OSBPL9: variants seen among roughly 807,000 people sequenced by gnomAD.
OSBPL9 encodes oxysterol binding protein like 9.
In OSBPL9, 40 loss-of-function variants were observed where a neutral mutation model predicts 106.6. The ratio of observed to expected loss-of-function variants is 0.38; its 90% CI spans 0.29 to 0.49. The LOEUF is 0.49. OSBPL9 is among the 20% of genes least tolerant of loss of function. The pLI is 0.97. For missense variants in OSBPL9, 609 were observed against 887.2 expected (o/e 0.69, Z 3.98); for synonymous variants, 269 against 295.4 (o/e 0.91, Z 0.92).
At chr1:51,659,034 C>G (rs1570866092) in intron 2 of OSBPL9, among the ~76,000 whole-genome samples, 1 of 151,862 alleles carries the variant, frequency 6.6e-6, no homozygotes, top group East Asian at 1.9e-4. Flanking sequence ...CATTAGTGCT[C>G]TATTTTATGA....
At chr1:51,613,740 C>CT (rs1213011994), upstream of OSBPL9, among the ~76,000 whole-genome samples, 3,742 of 142,842 alleles carry the variant, frequency 0.026, 134 homozygotes, top group African/African-American at 0.083. Context: ...TCTTTCTTTT[C>CT]TTTTTTTTTT....
At chr1:51,578,012 A>C (rs1394307316) in intron 1 of OSBPL9, among the ~76,000 whole-genome samples, 1 of 152,222 alleles carries the variant, frequency 6.6e-6, no homozygotes, top group Non-Finnish European at 1.5e-5. Context: ...TCTGTAATTA[A>C]TAGTTTGTGT....
Position 51,782,582 on chromosome 1 carries a change from T to G in OSBPL9, c.1452T>G (p.Val484=), listed in dbSNP as rs763202436. 1.2e-5 allele frequency: 19 copies of G among 1,613,960 alleles called. No individual in the cohort carries two copies. Among genetic ancestry groups the G allele is most frequent in the Non-Finnish European group, 1.6e-5 (19 of 1,179,952 alleles). ...AGGAACTAGTTTCAGAAGGACCAGTTCCCTGGGTTTCCAAAAACAGTGTAA... is the reference window on the plus strand; with the variant it reads ...AGGAACTAGTTTCAGAAGGACCAGTGCCCTGGGTTTCCAAAAACAGTGTAA... ...ENTELVSEGP[V]PWVSKNSVTF... The change falls in exon 17 of 24, where the codon GTT becomes GTG. Residue 484 remains valine, a synonymous_variant. Transcript: ENST00000428468.
At chr1:51,584,660 G>T (rs906044277) in intron 1 of OSBPL9, among the ~76,000 whole-genome samples, 4 of 152,154 alleles carry the variant, frequency 2.6e-5, no homozygotes, top group Non-Finnish European at 4.4e-5. Flanking sequence ...AGGTTGCAGT[G>T]AGCCGAGATC....
At chr1:51,654,576 T>C (rs1186028060) in intron 2 of OSBPL9, among the ~76,000 whole-genome samples, 3 of 152,160 alleles carry the variant, frequency 2.0e-5, no homozygotes, top group Non-Finnish European at 4.4e-5. Context: ...ATAGGATATA[T>C]AACATGGATA....
intron 2 of OSBPL9, among the ~76,000 whole-genome samples, chr1:51,612,057 G>A (rs1643991938): frequency 6.6e-6 from 1 of 152,128 alleles, no homozygotes; most frequent in African/African-American, 2.4e-5. Context: ...AGAAACCTTG[G>A]TATTATCTCT....
chr1:51,536,749 A>G, the OSBPL9 span, among the ~76,000 whole-genome samples: 1 of 152,096 alleles, frequency 6.6e-6, no homozygotes, highest in Non-Finnish European at 1.5e-5. Context: ...GCTTTGTCTC[A>G]TGTTTTCTCA....
chr1:51,761,484 T>G (rs1294364554), intron 10 of OSBPL9, among the ~76,000 whole-genome samples: 1 of 152,236 alleles, frequency 6.6e-6, no homozygotes, highest in Non-Finnish European at 1.5e-5. Context: ...TTTTTACTTC[T>G]TAAGTGAATT....
intron 3 of OSBPL9, among the ~76,000 whole-genome samples, chr1:51,704,718 C>G (rs1163838877): frequency 6.6e-6 from 1 of 152,152 alleles, no homozygotes; most frequent in African/African-American, 2.4e-5. Flanking sequence ...TCTGAGGTGC[C>G]TCGTCACATT....
At chr1:51,600,392 G>T (rs1645320867) in intron 2 of OSBPL9, among the ~76,000 whole-genome samples, 1 of 152,064 alleles carries the variant, frequency 6.6e-6, no homozygotes, top group East Asian at 1.9e-4. Flanking sequence ...ATTTTTGTGG[G>T]CTCTAGGCAC....
intron 3 of OSBPL9, among the ~76,000 whole-genome samples, chr1:51,675,371 T>TAA (rs1174875637): frequency 6.8e-4 from 102 of 149,498 alleles, no homozygotes; most frequent in African/African-American, 2.4e-3. Flanking sequence ...ATTAATTAAT[T>TAA]TATTTATTTA....
At chr1:51,527,943 T>A in the OSBPL9 span, among the ~76,000 whole-genome samples, 1 of 131,374 alleles carries the variant, frequency 7.6e-6, no homozygotes, top group African/African-American at 2.9e-5. Flanking sequence ...CAAAACCCCA[T>A]CTCTACTAAA....
At chr1:51,682,059 A>G (rs895534058) in intron 3 of OSBPL9, among the ~76,000 whole-genome samples, 1 of 152,004 alleles carries the variant, frequency 6.6e-6, no homozygotes, top group Non-Finnish European at 1.5e-5. Flanking sequence ...AAAATTAGCC[A>G]GGCATGGTGG....
At chr1:51,672,747 A>C (rs1268980471) in intron 3 of OSBPL9, among the ~76,000 whole-genome samples, 2 of 152,258 alleles carry the variant, frequency 1.3e-5, no homozygotes. Context: ...AACATATGAC[A>C]GAAAGACAAG....
intron 1 of OSBPL9, among the ~76,000 whole-genome samples, chr1:51,592,343 C>T (rs1040211250): frequency 2.9e-4 from 44 of 152,006 alleles, no homozygotes; most frequent in African/African-American, 9.4e-4. Context: ...TCTCGATCTC[C>T]GGACCTCGTG....
chr1:51,770,816 T>C (rs1673702176), intron 12 of OSBPL9, among the ~76,000 whole-genome samples: 1 of 152,190 alleles, frequency 6.6e-6, no homozygotes, highest in Non-Finnish European at 1.5e-5. Context: ...AATATTCTAG[T>C]GTTCTAATAC....
At chr1:51,763,074 C>T (rs856603) in intron 11 of OSBPL9, among the ~76,000 whole-genome samples, 89 of 152,242 alleles carry the variant, frequency 5.8e-4, no homozygotes, top group African/African-American at 2.0e-3. Context: ...GGCACTGTCT[C>T]GACTCACTGC....
chr1:51,651,351 A>G (rs1018220450), intron 1 of OSBPL9, among the ~76,000 whole-genome samples: 2 of 151,946 alleles, frequency 1.3e-5, no homozygotes, highest in African/African-American at 4.8e-5. Context: ...GCCTGTAATC[A>G]CAGCACTTTG....
chr1:51,639,728 A>T (rs1645655999), intron 1 of OSBPL9, among the ~76,000 whole-genome samples: 1 of 152,116 alleles, frequency 6.6e-6, no homozygotes. Context: ...CTTGATCTTC[A>T]ACACAGTGTA....
Sources: allele counts gnomAD v4.1 joint callset (sites outside exome capture counted in the v4.1 genomes callset), GRCh38; gene constraint gnomAD v4.1.1; transcripts MANE v1.5; gene names NCBI Gene and HGNC (gene_info 2026-07-23, HGNC 2026-07-21).